The following COMMD1 variants were observed in gnomAD, a reference collection of about 807,000 sequenced individuals.
COMMD1 encodes the protein COMM domain-containing protein 1.
Under a neutral mutation model 17.2 loss-of-function variants are expected in COMMD1, and 10 were observed. The observed-to-expected ratio is 0.58, with a 90% CI of 0.36 to 0.99. COMMD1 has a LOEUF of 0.99. Among genes scored for constraint, COMMD1 ranks in the 50% least tolerant of loss-of-function variants. COMMD1 has a pLI of 0.01. For missense variants in COMMD1, 270 were observed against 231.8 expected (o/e 1.17, Z -1.07); for synonymous variants, 97 against 91.6 (o/e 1.06, Z -0.34).
intron 1 of COMMD1, among the ~76,000 whole-genome samples, chr2:61,926,755 G>T (rs755677222): frequency 2.0e-5 from 3 of 152,058 alleles, no homozygotes; most frequent in Non-Finnish European, 4.4e-5. Context: ...TCACAAGAAC[G>T]TAACCATCTG....
chr2:62,099,955 A>G (rs1005056429), intron 2 of COMMD1, among the ~76,000 whole-genome samples: 8 of 152,164 alleles, frequency 5.3e-5, no homozygotes, highest in Non-Finnish European at 7.4e-5. Context: ...TCATTTGCTT[A>G]TGAAAAATAA....
intron 2 of COMMD1, among the ~76,000 whole-genome samples, chr2:62,095,796 T>C (rs758687047): frequency 2.0e-5 from 1 of 51,078 alleles, no homozygotes; most frequent in Non-Finnish European, 3.5e-5. Context: ...GTAGTCAAGT[T>C]TCACAGCATG....
At chr2:62,010,980 C>T (rs983812155) in intron 2 of COMMD1, among the ~76,000 whole-genome samples, 2 of 152,192 alleles carry the variant, frequency 1.3e-5, no homozygotes, top group African/African-American at 2.4e-5. Context: ...TCCCTTACTT[C>T]GTCTACTCTA....
chr2:61,956,109 G>A (rs778682024), intron 1 of COMMD1, among the ~76,000 whole-genome samples: 3 of 152,206 alleles, frequency 2.0e-5, no homozygotes, highest in African/African-American at 4.8e-5. Flanking sequence ...GCACAATTAG[G>A]TTGAAAATGT....
chr2:61,986,670 G>C (rs190220708), intron 1 of COMMD1, among the ~76,000 whole-genome samples: 5 of 149,862 alleles, frequency 3.3e-5, no homozygotes, highest in African/African-American at 4.9e-5. Context: ...CTGGGTTCAA[G>C]GAATTCTCAT....
At chr2:62,050,905 A>G (rs1670517090) in intron 2 of COMMD1, among the ~76,000 whole-genome samples, 1 of 152,204 alleles carries the variant, frequency 6.6e-6, no homozygotes, top group Admixed American at 6.5e-5. Flanking sequence ...AGAAACAAAC[A>G]GAACCCCTTT....
intron 1 of COMMD1, among the ~76,000 whole-genome samples, chr2:61,983,771 T>C (rs1449662760): frequency 2.5e-4 from 38 of 152,190 alleles, no homozygotes; most frequent in Non-Finnish European, 1.5e-5. Flanking sequence ...TGTTTATCTT[T>C]TCAAAAAACC....
chr2:62,016,505 A>G (rs1231965117), intron 2 of COMMD1, among the ~76,000 whole-genome samples: 1 of 146,836 alleles, frequency 6.8e-6, no homozygotes, highest in Admixed American at 6.8e-5. Context: ...CACTGAACCC[A>G]GCCTCTTTTT....
At chr2:61,889,140 T>A (rs1669349233) in intron 1 of COMMD1, among the ~76,000 whole-genome samples, 2 of 145,792 alleles carry the variant, frequency 1.4e-5, no homozygotes, top group South Asian at 4.3e-4. Flanking sequence ...CGACCTCAGG[T>A]GATCCACCCG....
intron 1 of COMMD1, among the ~76,000 whole-genome samples, chr2:61,943,097 G>A (rs1670796065): frequency 6.6e-6 from 1 of 152,178 alleles, no homozygotes; most frequent in African/African-American, 2.4e-5. Flanking sequence ...ACTTAAAGCA[G>A]GCTGAAAAGA....
At chr2:62,104,231 G>A (rs979307145) in intron 2 of COMMD1, among the ~76,000 whole-genome samples, 15 of 152,260 alleles carry the variant, frequency 9.9e-5, no homozygotes, top group East Asian at 3.9e-4. Flanking sequence ...AGTGGCTTAC[G>A]CTTATAATCC....
chr2:61,988,885 C>T (rs1000587029), intron 1 of COMMD1, among the ~76,000 whole-genome samples: 1 of 152,172 alleles, frequency 6.6e-6, no homozygotes, highest in African/African-American at 2.4e-5. Context: ...TAAATGTTCC[C>T]TCTGTGGACA....
At chr2:62,055,436 A>G (rs771838635) in intron 2 of COMMD1, 6 of 456,074 alleles carry the variant, frequency 1.3e-5, no homozygotes, top group South Asian at 9.3e-5. Context: ...TACTTAAATT[A>G]CAGGTTCATT....
intron 2 of COMMD1, among the ~76,000 whole-genome samples, chr2:62,041,352 G>A (rs1219210913): frequency 1.3e-5 from 2 of 151,860 alleles, no homozygotes; most frequent in Middle Eastern, 3.2e-3. Flanking sequence ...AAGTTGATGT[G>A]TGTTTTCTTT....
chr2:62,067,037 A>T (rs988492679), intron 2 of COMMD1, among the ~76,000 whole-genome samples: 2 of 152,050 alleles, frequency 1.3e-5, no homozygotes, highest in Non-Finnish European at 2.9e-5. Flanking sequence ...AAATCTATAT[A>T]GATTGATGGG....
chr2:61,986,624 A>T lies in COMMD1; in HGVS notation c.181-14077A>T, dbSNP rs557534923. On this transcript the variant is annotated intron_variant, in intron 1 of 2. Transcript: ENST00000311832. ...TGCTCTGCTGCCCAGGCTGGAGTGC[A>T]GTGGCATGATCTCAGCTTGCTGCAA... Among the ~76,000 whole-genome samples, 4 of 140,572 alleles carry T rather than the reference A, an allele frequency of 2.8e-5. No homozygotes were observed. The South Asian group carries it at 8.9e-4, about 31-fold the overall frequency. 92.2% of individuals were successfully genotyped at this position (140,572 alleles called of 152,430 possible).
intron 2 of COMMD1, among the ~76,000 whole-genome samples, chr2:62,020,431 T>C (rs1669579907): frequency 6.6e-6 from 1 of 152,220 alleles, no homozygotes; most frequent in Non-Finnish European, 1.5e-5. Context: ...AAGTAGGCTT[T>C]TTTTTGCAGC....
chr2:61,925,517 C>T (rs1670308412), intron 1 of COMMD1, among the ~76,000 whole-genome samples: 1 of 152,122 alleles, frequency 6.6e-6, no homozygotes, highest in Non-Finnish European at 1.5e-5. Flanking sequence ...TTTATGCTTC[C>T]TACGACCTCC....
At chr2:62,012,711 T>C (rs989645286) in intron 2 of COMMD1, among the ~76,000 whole-genome samples, 9 of 152,128 alleles carry the variant, frequency 5.9e-5, no homozygotes, top group African/African-American at 2.2e-4. Context: ...CAGCCCGCTG[T>C]CAGTAAGAAG....
Sources: gnomAD v4.1 joint callset for allele counts (sites outside exome capture counted in the v4.1 genomes callset) on GRCh38, gnomAD v4.1.1 for gene constraint, MANE v1.5 for transcripts, NCBI Gene and HGNC (gene_info 2026-07-23, HGNC 2026-07-21) for gene names.